Variants in SLIT2 observed in about 807,000 individuals in gnomAD.
The protein encoded by SLIT2 is slit homolog 2 protein.
Under a neutral mutation model 185.7 loss-of-function variants are expected in SLIT2, and 41 were observed. The observed-to-expected ratio is 0.22, with a 90% confidence interval of 0.17 to 0.29. SLIT2 has a LOEUF of 0.29. Ranked by LOEUF, SLIT2 falls within the 10% of genes least tolerant of loss-of-function variation. The probability of loss-of-function intolerance (pLI) is 1.00; values close to 1 mark genes in which losing one functional copy is unlikely to be tolerated. For missense variants in SLIT2, 1,571 were observed against 1,909.0 expected (o/e 0.82, Z 3.30); for synonymous variants, 693 against 680.2 (o/e 1.02, Z -0.29).
At chr4:20,400,902 C>T (rs1726296402) in intron 4 of SLIT2, among the ~76,000 whole-genome samples, 1 of 151,710 alleles carries the variant, frequency 6.6e-6, no homozygotes, top group Non-Finnish European at 1.5e-5. Context: ...GGGTGGTATC[C>T]ATAAATTTTA....
chr4:20,508,725 A>G (rs1719431118), intron 9 of SLIT2, among the ~76,000 whole-genome samples: 1 of 152,096 alleles, frequency 6.6e-6, no homozygotes, highest in Non-Finnish European at 1.5e-5. Context: ...TTTTAATCAT[A>G]TTTTTACTTT....
At chr4:20,458,553 T>A (rs1017686324) in intron 4 of SLIT2, among the ~76,000 whole-genome samples, 11 of 152,216 alleles carry the variant, frequency 7.2e-5, no homozygotes, top group Non-Finnish European at 7.3e-5. Context: ...AGTCTGTTTT[T>A]TAAAACAATG....
intron 34 of SLIT2, chr4:20,615,596 G>C (rs1729590188): frequency 6.6e-6 from 1 of 152,196 alleles, no homozygotes; most frequent in African/African-American, 2.4e-5. Context: ...AGAAATAACT[G>C]CTCCAAGTGC....
chr4:20,352,587 C>A (rs1436271375), intron 4 of SLIT2, among the ~76,000 whole-genome samples: 3 of 152,102 alleles, frequency 2.0e-5, no homozygotes, highest in South Asian at 4.1e-4. Flanking sequence ...GCATATTAAA[C>A]TTTATAGCAG....
chr4:20,508,082 A>G (rs1055438035), intron 9 of SLIT2, among the ~76,000 whole-genome samples: 2 of 152,038 alleles, frequency 1.3e-5, no homozygotes, highest in Admixed American at 6.6e-5. Context: ...TTTTGAAAAA[A>G]AACTCCCTTT....
rs963524071 is a variant in SLIT2 at position 20,500,839 on chromosome 4, C to A, written c.914+8940C>A. On this transcript the variant is annotated intron_variant, in intron 9 of 36. Transcript: ENST00000504154. Reference sequence around the variant, plus strand: ...GCGTTCTCAAATTTTCTTCTGAGATCCTCACAATAGCAGAAACTACATATG... The same window carrying A: ...GCGTTCTCAAATTTTCTTCTGAGATACTCACAATAGCAGAAACTACATATG... Among the ~76,000 whole-genome samples the A allele has an allele frequency of 2.0e-5, 3 of 152,226 alleles. No individual in the cohort carries two copies. In the East Asian group the frequency reaches 5.8e-4, roughly 29 times the overall value.
chr4:20,341,143 T>A (rs1195967954), intron 4 of SLIT2, among the ~76,000 whole-genome samples: 1 of 152,108 alleles, frequency 6.6e-6, no homozygotes, highest in Non-Finnish European at 1.5e-5. Context: ...GACCTTGCAC[T>A]TTGTAGGAGT....
intron 4 of SLIT2, among the ~76,000 whole-genome samples, chr4:20,392,883 G>A (rs1353305964): frequency 6.6e-6 from 1 of 152,014 alleles, no homozygotes; most frequent in Non-Finnish European, 1.5e-5. Context: ...ACCTCCTGAA[G>A]AACCTGCTTG....
intron 4 of SLIT2, among the ~76,000 whole-genome samples, chr4:20,317,326 T>G (rs1433221403): frequency 6.8e-6 from 1 of 146,972 alleles, no homozygotes; most frequent in Non-Finnish European, 1.5e-5. Flanking sequence ...AAAACAAAAC[T>G]GAGACTTCAA....
At chr4:20,454,608 A>G (rs1335609282) in intron 4 of SLIT2, among the ~76,000 whole-genome samples, 1 of 152,210 alleles carries the variant, frequency 6.6e-6, no homozygotes, top group Non-Finnish European at 1.5e-5. Flanking sequence ...AGGTTAAACC[A>G]TGAAGGAAAA....
intron 4 of SLIT2, among the ~76,000 whole-genome samples, chr4:20,287,229 C>T (rs1316131689): frequency 6.6e-6 from 1 of 152,138 alleles, no homozygotes; most frequent in African/African-American, 2.4e-5. Flanking sequence ...CACCAGTAAA[C>T]GTGTATTCAC....
chr4:20,570,762 T>TATATA, intron 29 of SLIT2, among the ~76,000 whole-genome samples: 1 of 134,542 alleles, frequency 7.4e-6, no homozygotes, highest in East Asian at 2.3e-4. Flanking sequence ...TATATATATA[T>TATATA]TTCCTGATGA....
chr4:20,408,421 T>C (rs1726940856), intron 4 of SLIT2, among the ~76,000 whole-genome samples: 1 of 152,116 alleles, frequency 6.6e-6, no homozygotes, highest in African/African-American at 2.4e-5. Context: ...ATTTTGCACA[T>C]TTTGATTTTT....
intron 4 of SLIT2, among the ~76,000 whole-genome samples, chr4:20,379,315 A>C (rs1277980709): frequency 6.6e-6 from 1 of 152,184 alleles, no homozygotes; most frequent in Non-Finnish European, 1.5e-5. Flanking sequence ...AAAATTAATA[A>C]AGATTATTAA....
intron 4 of SLIT2, among the ~76,000 whole-genome samples, chr4:20,351,206 G>A (rs1414474709): frequency 3.3e-5 from 5 of 151,858 alleles, no homozygotes; most frequent in South Asian, 2.1e-4. Context: ...CCACCAACAC[G>A]ACTGTCTAAT....
At chr4:20,531,926 T>C in intron 16 of SLIT2, 58 bp from the exon 17 acceptor site, 1 of 922,268 alleles carries the variant, frequency 1.1e-6, no homozygotes, top group Non-Finnish European at 1.7e-6. Context: ...AGAAATCAAA[T>C]TTAATCCTTT....
chr4:20,263,381 T>C (rs1312181291), intron 3 of SLIT2, among the ~76,000 whole-genome samples: 2 of 151,882 alleles, frequency 1.3e-5, no homozygotes, highest in African/African-American at 4.8e-5. Context: ...CTCTCTGCAA[T>C]GTCCATACAC....
Position 20,525,144 on chromosome 4 carries a change from T to C in SLIT2, c.1439-5T>C. On this transcript the variant is annotated splice_polypyrimidine_tract_variant and splice_region_variant and intron_variant, in intron 14 of 36. Coordinates refer to ENST00000504154, the MANE Select transcript of SLIT2 (RefSeq NM_004787.4). The stretch of plus-strand genomic sequence containing the variant: ...CTTCTATTTTTTGTCTCTTTTTTTA[T>C]TTAGCTAAAGAACAGTATTTCATTC... 1 of 1,606,680 alleles carries C rather than the reference T, an allele frequency of 6.2e-7. No homozygotes were observed. Among genetic ancestry groups the C allele is most frequent in the Non-Finnish European group, 8.5e-7 (1 of 1,173,540 alleles).
In SLIT2 at chr4:20,546,071, C is replaced by T. The variant is rs1723225085; in HGVS notation, c.2317C>T (p.Leu773Phe). 6.3e-7 allele frequency: 1 copy of T among 1,587,998 alleles called. No homozygotes were observed. The highest frequency in any genetic ancestry group is 8.6e-7 in the Non-Finnish European group (1 of 1,161,990). ...CCAATTTACACTGGTTCCCAAGGAACTCTCCAACTACAAACATTTAACACT... is the reference window on the plus strand; with the variant it reads ...CCAATTTACACTGGTTCCCAAGGAATTCTCCAACTACAAACATTTAACACT... The part of the protein sequence containing the change: ...GNQFTLVPKE[L>F]SNYKHLTLID... The change falls in exon 22 of 37, where the codon CTC becomes TTC. Residue 773 changes from leucine to phenylalanine, a missense_variant. Transcript: ENST00000504154.
Sources: allele counts gnomAD v4.1 joint callset (sites outside exome capture counted in the v4.1 genomes callset), GRCh38; gene constraint gnomAD v4.1.1; transcripts MANE v1.5; gene names NCBI Gene and HGNC (gene_info 2026-07-23, HGNC 2026-07-21).